VWF: variants seen among roughly 807,000 people sequenced by gnomAD.
VWF encodes von Willebrand factor, also known as Factor VIII related antigen.
Under a neutral mutation model 308.6 loss-of-function variants are expected in VWF, and 176 were observed. The ratio of observed to expected loss-of-function variants is 0.57; its 90% CI spans 0.50 to 0.65. The LOEUF (loss-of-function observed/expected upper bound fraction) is 0.65, where lower values mean the gene tolerates loss of function less well. Ranked by LOEUF, VWF falls within the 30% of genes least tolerant of loss-of-function variation. The pLI is 0.00. For synonymous variants in VWF, 1,385 were observed against 1,443.4 expected (o/e 0.96, Z 0.92); for missense variants, 3,146 against 3,648.2 (o/e 0.86, Z 3.55).
In VWF at chr12:5,981,818, C is replaced by T. The variant is rs1943608915; in HGVS notation, c.7255G>A (p.Gly2419Ser). The change falls in exon 42 of 52, where the codon GGC (glycine) becomes AGC (serine). Residue 2419 changes from glycine to serine, a missense_variant. This residue lies in a region of VWF where 989 missense variants were observed against 1,117.4 expected (regional missense o/e 0.89). Transcript: ENST00000261405. ...YLASTATNDC[G>S]CTTTTCLPDK... is the part of the protein sequence containing the mutation. ...GGAAGGCAGGTGGTTGTGGTACAGC[C>T]ACAGTCATTGGTGGCAGTTGAGGCC... 1.2e-6 allele frequency: 2 copies of T among 1,614,006 alleles called. No homozygotes were observed. Among genetic ancestry groups the T allele is most frequent in the Admixed American group, 1.7e-5 (1 of 60,000 alleles).
Position 6,021,918 on chromosome 12 carries a change from G to C in VWF, c.3656C>G (p.Pro1219Arg). The change falls in exon 27 of 52, where the codon CCT becomes CGT. Residue 1219 changes from proline to arginine, a missense_variant. Coordinates refer to ENST00000261405, the MANE Select transcript of VWF (RefSeq NM_000552.5). ...GTTTTACCAAATCTGGCAGTGCTCA[G>C]GGTCACTGGGATTCAAGGTGACTTT... is the stretch of plus-strand genomic sequence containing the variant. Reference protein sequence around the residue: ...GKKVTLNPSDPEHCQICHCDV... With the variant: ...GKKVTLNPSDREHCQICHCDV... The C allele has an allele frequency of 6.2e-7, 1 of 1,614,166 alleles. No individual in the cohort carries two copies. The highest frequency in any genetic ancestry group is 8.5e-7 in the Non-Finnish European group (1 of 1,180,038).
chr12:5,994,677 C>A (rs369313625), intron 35 of VWF, 70 bp from the exon 36 acceptor site: 20 of 1,436,472 alleles, frequency 1.4e-5, no homozygotes, highest in Non-Finnish European at 1.8e-5. Context: ...GGGAAGTTAC[C>A]GAGAGTTCCT....
intron 34 of VWF, among the ~76,000 whole-genome samples, chr12:6,000,796 A>AGC: frequency 7.7e-6 from 1 of 129,994 alleles, no homozygotes; most frequent in East Asian, 2.3e-4. Flanking sequence ...TGAGCCACAG[A>AGC]GCGAGACTCT....
At chr12:5,986,856 G>A (rs913957279) in intron 38 of VWF, among the ~76,000 whole-genome samples, 3 of 152,196 alleles carry the variant, frequency 2.0e-5, no homozygotes, top group South Asian at 2.1e-4. Context: ...CAGGCACAGC[G>A]ACAGAGTGAG....
chr12:5,998,315 G>A (rs1943829339), intron 34 of VWF, among the ~76,000 whole-genome samples: 1 of 150,774 alleles, frequency 6.6e-6, no homozygotes, highest in Non-Finnish European at 1.5e-5. Context: ...TGGCTAACAT[G>A]GTGAAACCCC....
rs1036947846 is a variant in VWF at position 6,048,078 on chromosome 12, C to T, written c.2187-1261G>A. ...CCCATGCCCCTCAGCTCTGCATTAT[C>T]CAGATGTCTAATTTTTCCAGTCTAG... On this transcript the variant is annotated intron_variant, in intron 16 of 51. Coordinates refer to ENST00000261405, the MANE Select transcript of VWF (RefSeq NM_000552.5). Among the ~76,000 whole-genome samples the T allele has an allele frequency of 2.6e-5, 4 of 152,218 alleles. No homozygotes were observed. The South Asian group carries it at 8.3e-4, about 31-fold the overall frequency.
rs565613261 is a variant in VWF at position 6,104,942 on chromosome 12, T to G, written c.532+5432A>C. On this transcript the variant is annotated intron_variant, in intron 5 of 51. Coordinates refer to ENST00000261405, the MANE Select transcript of VWF (RefSeq NM_000552.5). ...GCCATAAGAATGAAATCGCATCTTT[T>G]GCAGCAACATGGGTGGGATTGGAGG... 2.9e-4 allele frequency among the ~76,000 whole-genome samples: 44 copies of G among 152,202 alleles called. 1 individual carries two copies. The highest frequency in any genetic ancestry group is 5.0e-4 in the Non-Finnish European group (34 of 68,036).
rs765927433 is a variant in VWF, at chr12:5,949,122, T to C, written c.8335A>G (p.Thr2779Ala). The change falls in exon 52 of 52, where the codon ACG becomes GCG. Residue 2779 changes from threonine to alanine, a missense_variant. Physicochemically the swap from Thr to Ala is moderately conservative, Grantham distance 58 (BLOSUM62 0). This residue lies in a region of VWF where 989 missense variants were observed against 1,117.4 expected (regional missense o/e 0.89). Transcript: ENST00000261405. ...TGCAGGGCCACCTGCATGGGCTCCG[T>C]CCGTGTCGGAGAGCAGCAGGAGCAC... ...DQCSCCSPTR[T>A]EPMQVALHCT... The C allele has an allele frequency of 6.2e-6, 10 of 1,614,100 alleles. No individual in the cohort carries two copies. The Admixed American group carries it at 1.3e-4, about 22-fold the overall frequency.
At chr12:5,995,342 T>G (rs1943797126) in intron 35 of VWF, among the ~76,000 whole-genome samples, 1 of 152,198 alleles carries the variant, frequency 6.6e-6, no homozygotes. Flanking sequence ...TTTTGATTTT[T>G]TAATTTTTGG....
Position 6,075,280 on chromosome 12 carries a change from C to T in VWF, c.874+55G>A, listed in dbSNP as rs962797154. On this transcript the variant is annotated intron_variant, in intron 7 of 51. Coordinates refer to ENST00000261405, the MANE Select transcript of VWF (RefSeq NM_000552.5). This position sits in a 1 kb window ranked among gnomAD's most constrained non-coding sequence, Gnocchi z 4.7. The stretch of plus-strand genomic sequence containing the variant: ...CCCGAAGCACCCTAAGGGACACCAC[C>T]CAGGACAGACCGTTCATCCCCGGCA... 8 of 1,610,308 alleles carry T rather than the reference C, an allele frequency of 5.0e-6. No homozygotes were observed. The highest frequency in any genetic ancestry group is 6.8e-6 in the Non-Finnish European group (8 of 1,178,050).
chr12:6,100,663 G>A (rs1945152898), intron 5 of VWF, among the ~76,000 whole-genome samples: 2 of 152,118 alleles, frequency 1.3e-5, no homozygotes, highest in African/African-American at 4.8e-5. Context: ...AACACCGCAT[G>A]TTCTCACTCA....
rs1943805295 is a variant in VWF, at chr12:5,996,106, T to C, written c.5959A>G (p.Ile1987Val). The part of the protein sequence containing the change: ...FQNKEQDLEV[I>V]LHNGACSPGA... The stretch of plus-strand genomic sequence containing the variant: ...GGGCTGCAGGCACCATTATGGAGAA[T>C]CACCTCCAGGTCCTGCTCCTTGTTT... The change falls in exon 35 of 52, where the codon ATT becomes GTT. Residue 1987 changes from isoleucine to valine, a missense_variant. Ile to Val is a conservative substitution (Grantham distance 29). Transcript: ENST00000261405. The C allele has an allele frequency of 6.2e-7, 1 of 1,614,078 alleles. No individual in the cohort carries two copies. The highest frequency in any genetic ancestry group is 2.2e-5 in the East Asian group (1 of 44,866).
intron 3 of VWF, among the ~76,000 whole-genome samples, chr12:6,117,938 T>A (rs1241180903): frequency 6.6e-6 from 1 of 152,174 alleles, no homozygotes; most frequent in Non-Finnish European, 1.5e-5. Context: ...CTGTCTGTGC[T>A]TCCATTTCCT....
chr12:6,012,794 C>T (rs1437271485), intron 32 of VWF, among the ~76,000 whole-genome samples: 3 of 151,504 alleles, frequency 2.0e-5, no homozygotes, highest in East Asian at 1.9e-4. Context: ...CTCTGCCTCC[C>T]GGGTTCACAC....
At position 6,023,794 on chromosome 12, in the gene VWF, A is replaced by T; in HGVS notation, c.3223-7T>A. 1 of 1,611,144 alleles carries T rather than the reference A, an allele frequency of 6.2e-7. No homozygotes were observed. The highest frequency in any genetic ancestry group is 8.5e-7 in the Non-Finnish European group (1 of 1,179,334). ...GATATGGCTCGGGGTCCACCTGCAA[A>T]GGCAGCCTCAGGTGGCCCAGGCCTA... is the stretch of plus-strand genomic sequence containing the variant. On this transcript the variant is annotated splice_polypyrimidine_tract_variant and splice_region_variant and intron_variant, in intron 24 of 51. Transcript: ENST00000261405.
In VWF at chr12:6,075,245, G is replaced by A. The variant is rs1215588496; in HGVS notation, c.874+90C>T. 1.7e-5 allele frequency: 26 copies of A among 1,530,308 alleles called. No individual in the cohort carries two copies. Among genetic ancestry groups the A allele is most frequent in the South Asian group, 9.0e-5 (8 of 88,414 alleles). 94.8% of individuals were successfully genotyped at this position (1,530,308 alleles called of 1,614,324 possible). Reference sequence around the variant, plus strand: ...CTGGGTGTGGTAAAGCCGCACATACGTGACACAGCCCCGAAGCACCCTAAG... The same window carrying A: ...CTGGGTGTGGTAAAGCCGCACATACATGACACAGCCCCGAAGCACCCTAAG... On this transcript the variant is annotated intron_variant, in intron 7 of 51. Transcript: ENST00000261405. This position sits in a 1 kb window ranked among gnomAD's most constrained non-coding sequence, Gnocchi z 4.7.
Position 6,011,683 on chromosome 12 carries a change from A to C in VWF, c.5776T>G (p.Ser1926Ala), listed in dbSNP as rs1217171079. The C allele has an allele frequency of 6.2e-6, 10 of 1,613,906 alleles. No individual in the cohort carries two copies. The highest frequency in any genetic ancestry group is 2.2e-5 in the East Asian group (1 of 44,880). ...ACAGGGGACTGGCTGTTAGGGCACG[A>C]AGGCCTCAGCCCCCGGTCACAGTTG... is the stretch of plus-strand genomic sequence containing the variant. ...RVNCDRGLRP[S>A]CPNSQSPVKV... is the part of the protein sequence containing the mutation. Residue 1926 changes from serine to alanine, a missense_variant, in exon 34 of 52, where the codon TCG (serine) becomes GCG (alanine). Transcript: ENST00000261405.
intron 34 of VWF, among the ~76,000 whole-genome samples, chr12:6,004,378 A>C (rs1203991061): frequency 1.3e-5 from 2 of 152,112 alleles, no homozygotes; most frequent in Non-Finnish European, 2.9e-5. Flanking sequence ...AAATTCCACA[A>C]TCACTCTTGA....
intron 6 of VWF, among the ~76,000 whole-genome samples, chr12:6,092,219 G>T (rs1945041954): frequency 6.6e-6 from 1 of 152,152 alleles, no homozygotes; most frequent in Non-Finnish European, 1.5e-5. Flanking sequence ...TGAGTTCCTG[G>T]CCATGATAGG....
Sources: gnomAD v4.1 joint callset for allele counts (sites outside exome capture counted in the v4.1 genomes callset) on GRCh38, gnomAD v4.1.1 for gene constraint, gnomAD v4.1.1 regional missense constraint, Gnocchi (gnomAD v3.1) non-coding constraint, MANE v1.5 for transcripts, NCBI Gene and HGNC (gene_info 2026-07-23, HGNC 2026-07-21) for gene names.